The following MINAR1 variants were observed in gnomAD, a reference collection of about 807,000 sequenced individuals.
MINAR1 encodes major intrinsically disordered Notch2-binding receptor 1.
Under a neutral mutation model 65.1 loss-of-function variants are expected in MINAR1, and 40 were observed. The ratio of observed to expected loss-of-function variants is 0.61; its 90% CI spans 0.48 to 0.80. The LOEUF is 0.80. Among genes scored for constraint, MINAR1 ranks in the 30% least tolerant of loss-of-function variants. The probability of loss-of-function intolerance (pLI) is 0.00; values close to 1 mark genes in which losing one functional copy is unlikely to be tolerated. For missense variants in MINAR1, 1,128 were observed against 1,148.0 expected (o/e 0.98, Z 0.25); for synonymous variants, 482 against 449.1 (o/e 1.07, Z -0.93).
chr15:79,428,858 C>T (rs959449341), upstream of MINAR1, among the ~76,000 whole-genome samples: 6 of 152,102 alleles, frequency 3.9e-5, no homozygotes, highest in East Asian at 1.9e-4. Context: ...TGTCAGTGGT[C>T]ACAGTCTTCT....
At position 79,469,106 on chromosome 15, in the gene MINAR1, C is replaced by T. The variant is rs1242002055; in HGVS notation, c.*722C>T. The T allele has an allele frequency of 2.0e-5, 3 of 152,788 alleles. No individual in the cohort carries two copies. Among genetic ancestry groups the T allele is most frequent in the Non-Finnish European group, 4.4e-5 (3 of 68,176 alleles). The allele number at this position is 152,788 out of a possible 1,614,324, so 9.5% of individuals were successfully genotyped here. A position where few individuals can be genotyped will look rare whatever the true frequency, so the allele number is the denominator to read the frequency against. Reference sequence around the variant, plus strand: ...TATTCAGGCCAGGAGACCTCGTCCTCAATCCAAAGTGTAGGGGAGCTGCCT... The same window carrying T: ...TATTCAGGCCAGGAGACCTCGTCCTTAATCCAAAGTGTAGGGGAGCTGCCT... On this transcript the variant is annotated 3_prime_UTR_variant, in exon 4 of 4. Transcript: ENST00000305428.
chr15:79,423,450 A>G, the MINAR1 span: 2 of 152,226 alleles, frequency 1.3e-5, no homozygotes, highest in African/African-American at 2.4e-5. Context: ...ATTTTATACC[A>G]TTGTATTATT....
At chr15:79,423,486 A>T in the MINAR1 span, 1 of 152,186 alleles carries the variant, frequency 6.6e-6, no homozygotes, top group African/African-American at 2.4e-5. Context: ...TAAATTAAAC[A>T]ATTTATTTAA....
At chr15:79,467,055 T>G (rs1246408252) in intron 3 of MINAR1, among the ~76,000 whole-genome samples, 1 of 152,198 alleles carries the variant, frequency 6.6e-6, no homozygotes, top group African/African-American at 2.4e-5. Context: ...GTACGTTATA[T>G]TCCTAGGGGC....
intron 1 of MINAR1, among the ~76,000 whole-genome samples, chr15:79,433,114 C>A (rs1435766869): frequency 6.6e-6 from 1 of 152,214 alleles, no homozygotes. Context: ...GGGCCTGGCC[C>A]GCGGGGAGCG....
rs1488259000 is a variant in MINAR1 at position 79,470,091 on chromosome 15, TATC to T, written c.*1710_*1712del. 1.3e-5 allele frequency: 2 copies of T among 152,588 alleles called. No individual in the cohort carries two copies. The highest frequency in any genetic ancestry group is 1.3e-4 in the Admixed American group (2 of 15,280). 9.5% of individuals were successfully genotyped at this position (152,588 alleles called of 1,614,324 possible). On this transcript the variant is annotated 3_prime_UTR_variant, in exon 4 of 4. Transcript: ENST00000305428. ...AAGTCTTCATGTTATCTATTTGTATTATCATGTTTATGTATGGATTTTCAATTT... is the reference window on the plus strand; with the variant it reads ...AAGTCTTCATGTTATCTATTTGTATTATGTTTATGTATGGATTTTCAATTT...
At chr15:79,450,224 G>T (rs915105671) in intron 1 of MINAR1, among the ~76,000 whole-genome samples, 1 of 152,178 alleles carries the variant, frequency 6.6e-6, no homozygotes, top group Admixed American at 6.5e-5. Context: ...GGTTAGGCTG[G>T]AGTTCACTGT....
At position 79,469,745 on chromosome 15, in the gene MINAR1, A is replaced by ATGTC. The variant is rs1225896097; in HGVS notation, c.*1363_*1366dup. The ATGTC allele has an allele frequency of 6.6e-6, 1 of 152,632 alleles. No homozygotes were observed. Among genetic ancestry groups the ATGTC allele is most frequent in the African/African-American group, 2.4e-5 (1 of 41,446 alleles). 9.5% of individuals were successfully genotyped at this position (152,632 alleles called of 1,614,324 possible). On this transcript the variant is annotated 3_prime_UTR_variant, in exon 4 of 4. Transcript: ENST00000305428. ...GAATCCTTATCAGCATCTGATTCCA[A>ATGTC]TGTCTTGTTACAGGTCAAAGAAAAA... is the stretch of plus-strand genomic sequence containing the variant.
At chr15:79,431,574 A>G (rs764798946), upstream of MINAR1, among the ~76,000 whole-genome samples, 1 of 152,120 alleles carries the variant, frequency 6.6e-6, no homozygotes, top group Non-Finnish European at 1.5e-5. Context: ...CTGGATCCCA[A>G]TTAAGCCGAC....
intron 1 of MINAR1, among the ~76,000 whole-genome samples, chr15:79,448,032 T>G (rs1895070824): frequency 6.6e-6 from 1 of 152,212 alleles, no homozygotes; most frequent in Non-Finnish European, 1.5e-5. Context: ...AGCTCTCCTG[T>G]CTACCTCTGT....
At chr15:79,433,838 T>G (rs2141273152) in intron 1 of MINAR1, among the ~76,000 whole-genome samples, 1 of 152,318 alleles carries the variant, frequency 6.6e-6, no homozygotes, top group East Asian at 1.9e-4. Flanking sequence ...TCTTTTGAAT[T>G]GACCCTCATT....
At chr15:79,452,339 ACTGAAGCTGTGTGAGTGTGT>A (rs1396945072) in intron 1 of MINAR1, among the ~76,000 whole-genome samples, 1 of 150,984 alleles carries the variant, frequency 6.6e-6, no homozygotes, top group Non-Finnish European at 1.5e-5. Flanking sequence ...GATGAGTGTG[ACTGAAGCTGTGTGAGTGTGT>A]CTGGGTATAT....
At chr15:79,459,048 C>T (rs1567059959) in intron 2 of MINAR1, among the ~76,000 whole-genome samples, 1 of 152,190 alleles carries the variant, frequency 6.6e-6, no homozygotes, top group East Asian at 1.9e-4. Flanking sequence ...GGTGTGGTAA[C>T]ACAAGCCTGT....
rs182791507 is a variant in MINAR1, at chr15:79,445,405, T to C, written c.-50-10693T>C. 2.6e-3 allele frequency among the ~76,000 whole-genome samples: 397 copies of C among 152,304 alleles called. 4 individuals carry two copies. The highest frequency in any genetic ancestry group is 9.2e-3 in the African/African-American group (381 of 41,558). On this transcript the variant is annotated intron_variant, in intron 1 of 3. Coordinates refer to ENST00000305428, the MANE Select transcript of MINAR1 (RefSeq NM_015206.3). ...GGCTTATAAGTAGAACAGCTTGTATTTAAATTTGGGCAATTTGGCTCCAGA... is the reference window on the plus strand; with the variant it reads ...GGCTTATAAGTAGAACAGCTTGTATCTAAATTTGGGCAATTTGGCTCCAGA...
At chr15:79,428,632 A>G (rs1055439371), upstream of MINAR1, among the ~76,000 whole-genome samples, 16 of 152,002 alleles carry the variant, frequency 1.1e-4, no homozygotes, top group African/African-American at 3.6e-4. Flanking sequence ...TCATCTTCCC[A>G]AAAACTCTAT....
At position 79,456,188 on chromosome 15, in the gene MINAR1, T is replaced by A; in HGVS notation, c.41T>A (p.Ile14Asn). ...SQETSLFLVK[I>N]LEELDSKQNT... The stretch of plus-strand genomic sequence containing the variant: ...GAAACTTCCCTCTTCTTGGTGAAGA[T>A]CTTGGAGGAACTGGACAGCAAGCAA... Residue 14 changes from isoleucine (I) to asparagine (N), a missense_variant, in exon 2 of 4, where the codon ATC becomes AAC. By Grantham distance (149) the Ile-to-Asn change is moderately radical (BLOSUM62 -3). Transcript: ENST00000305428. 6.2e-7 allele frequency: 1 copy of A among 1,614,068 alleles called. No homozygotes were observed. The highest frequency in any genetic ancestry group is 8.5e-7 in the Non-Finnish European group (1 of 1,179,958).
chr15:79,446,193 C>T (rs1895013718), intron 1 of MINAR1, among the ~76,000 whole-genome samples: 2 of 151,986 alleles, frequency 1.3e-5, no homozygotes, highest in Non-Finnish European at 1.5e-5. Context: ...GCATATTTGA[C>T]TTAAAATTTA....
intron 1 of MINAR1, among the ~76,000 whole-genome samples, chr15:79,449,114 G>A (rs1424680962): frequency 6.6e-6 from 1 of 152,172 alleles, no homozygotes; most frequent in Non-Finnish European, 1.5e-5. Context: ...TTACCTAGTG[G>A]AAATACCTAT....
At chr15:79,445,755 T>G (rs1894998052) in intron 1 of MINAR1, among the ~76,000 whole-genome samples, 1 of 152,044 alleles carries the variant, frequency 6.6e-6, no homozygotes, top group South Asian at 2.1e-4. Flanking sequence ...TCCATGTTGG[T>G]CAGGCTGGTC....
Sources: allele counts gnomAD v4.1 joint callset (sites outside exome capture counted in the v4.1 genomes callset), GRCh38; gene constraint gnomAD v4.1.1; transcripts MANE v1.5; gene names NCBI Gene and HGNC (gene_info 2026-07-23, HGNC 2026-07-21).